Variants in MYH14 observed in about 807,000 individuals in gnomAD.
MYH14 encodes myosin-14.
In MYH14, 123 loss-of-function variants were observed where a neutral mutation model predicts 255.5. The observed-to-expected ratio is 0.48, with a 90% CI of 0.42 to 0.56. The LOEUF (loss-of-function observed/expected upper bound fraction) is 0.56, where lower values mean the gene tolerates loss of function less well. Ranked by LOEUF, MYH14 falls within the 20% of genes least tolerant of loss-of-function variation. The pLI is 0.00. For missense variants in MYH14, 2,423 were observed against 2,802.3 expected, an observed-to-expected ratio of 0.86 and a Z score of 3.06; for synonymous variants, 1,095 against 1,161.2, an observed-to-expected ratio of 0.94 and a Z score of 1.16.
chr19:50,255,518 T>C (rs987502303), intron 17 of MYH14, among the ~76,000 whole-genome samples, 200 bp downstream of exon 17: 3 of 152,300 alleles, frequency 2.0e-5, no homozygotes, highest in South Asian at 2.1e-4. Context: ...CTAAACTGCA[T>C]GTAAAAGTAC....
rs2036671476 is a variant in MYH14 at position 50,306,919 on chromosome 19, A to G, written c.5679-130A>G. ...TGTTTGGCCTCAGTAAACTGTGGGA[A>G]CCACTTAGGGGTTAGGAAAGAGGGA... On this transcript the variant is annotated intron_variant, in intron 40 of 42. Coordinates refer to ENST00000642316, the MANE Select transcript of MYH14 (RefSeq NM_001145809.2). The G allele has an allele frequency of 1.1e-5, 8 of 699,594 alleles. No homozygotes were observed. The East Asian group carries it at 2.3e-4, about 20-fold the overall frequency. The allele number at this position is 699,594 out of a possible 1,614,324, so 43.3% of individuals were successfully genotyped here. A position where few individuals can be genotyped will look rare whatever the true frequency, so the allele number is the denominator to read the frequency against.
chr19:50,290,273 C>G (rs2123448385), intron 35 of MYH14, among the ~76,000 whole-genome samples: 1 of 152,062 alleles, frequency 6.6e-6, no homozygotes, highest in East Asian at 1.9e-4. Flanking sequence ...CCACATCCTT[C>G]CCCAATCCAG....
At chr19:50,309,378 C>G (rs1342863368) in intron 42 of MYH14, 2 of 628,224 alleles carry the variant, frequency 3.2e-6, no homozygotes, top group Admixed American at 5.3e-5. Flanking sequence ...TCCCTGTCAT[C>G]TCTGTGCCCT....
chr19:50,307,625 A>G (rs577415040), intron 41 of MYH14, among the ~76,000 whole-genome samples: 9 of 152,334 alleles, frequency 5.9e-5, no homozygotes, highest in Middle Eastern at 3.4e-3. Flanking sequence ...TCAGTATTCA[A>G]ACCTCAGCAC....
intron 10 of MYH14, among the ~76,000 whole-genome samples, chr19:50,235,885 T>C (rs563097073): frequency 1.3e-5 from 2 of 152,278 alleles, no homozygotes; most frequent in South Asian, 2.1e-4. Context: ...CTGGTATATT[T>C]TGGCCATAGT....
In MYH14 at chr19:50,210,442, C is replaced by G. The variant is rs1209557989; in HGVS notation, c.77C>G (p.Pro26Arg). 1 of 1,553,394 alleles carries G rather than the reference C, an allele frequency of 6.4e-7. No homozygotes were observed. Reference sequence around the variant, plus strand: ...GGCCCAGTGCCCGAGGCGGCCCAGCCGTTCCTGTTCACGCCCCGCGGGCCC... The same window carrying G: ...GGCCCAGTGCCCGAGGCGGCCCAGCGGTTCCTGTTCACGCCCCGCGGGCCC... ...RPGPVPEAAQ[P>R]FLFTPRGPSA... is the part of the protein sequence containing the mutation. Residue 26 changes from proline (P) to arginine (R), a missense_variant, in exon 2 of 43, where the codon CCG becomes CGG. By Grantham distance (103) the Pro-to-Arg change is moderately radical (BLOSUM62 -2). Coordinates refer to ENST00000642316, the MANE Select transcript of MYH14 (RefSeq NM_001145809.2).
intron 34 of MYH14, among the ~76,000 whole-genome samples, chr19:50,287,726 T>G (rs765628051): frequency 4.6e-5 from 7 of 152,284 alleles, no homozygotes; most frequent in Non-Finnish European, 1.0e-4. Context: ...AATTTTCCAT[T>G]AAATACACAT....
chr19:50,242,576 A>G (rs1007176690), intron 10 of MYH14, among the ~76,000 whole-genome samples: 2 of 152,136 alleles, frequency 1.3e-5, no homozygotes, highest in Non-Finnish European at 2.9e-5. Flanking sequence ...CGCACAACAC[A>G]TGGGAATTAT....
rs536344315 is a variant in MYH14 at position 50,275,899 on chromosome 19, C to T, written c.3468-92C>T. The T allele has an allele frequency of 5.4e-5, 57 of 1,046,054 alleles. No homozygotes were observed. The African/African-American group carries it at 8.1e-4, about 15-fold the overall frequency. 64.8% of individuals were successfully genotyped at this position (1,046,054 alleles called of 1,614,324 possible). A position where few individuals can be genotyped will look rare whatever the true frequency, so the allele number is the denominator to read the frequency against. On this transcript the variant is annotated intron_variant, in intron 27 of 42. Coordinates refer to ENST00000642316, the MANE Select transcript of MYH14 (RefSeq NM_001145809.2). ...GATTCTAACCTGGGACTGGCCACTCCCAAAGCCCACATCCAGCCTCTCAGT... is the reference window on the plus strand; with the variant it reads ...GATTCTAACCTGGGACTGGCCACTCTCAAAGCCCACATCCAGCCTCTCAGT...
At chr19:50,222,645 G>T (rs932729785) in intron 3 of MYH14, among the ~76,000 whole-genome samples, 2 of 152,100 alleles carry the variant, frequency 1.3e-5, no homozygotes, top group African/African-American at 4.8e-5. Flanking sequence ...TCCATGCCTG[G>T]CGCTCAGTAG....
intron 1 of MYH14, among the ~76,000 whole-genome samples, chr19:50,207,768 A>G (rs545830739): frequency 6.6e-6 from 1 of 152,330 alleles, no homozygotes; most frequent in Admixed American, 6.5e-5. Context: ...AATCAGGTCA[A>G]TTCCCACCCT....
Position 50,210,369 on chromosome 19 carries a change from G to T in MYH14, c.4G>T (p.Ala2Ser). Reference protein sequence around the residue: MAAVTMSVPGRK... With the variant: MSAVTMSVPGRK... ...TCTTTCTTTGCCCCTGCAGACCATG[G>T]CAGCCGTGACCATGTCGGTGCCCGG... Residue 2 changes from alanine to serine, a missense_variant, in exon 2 of 43, where the codon GCA (alanine) becomes TCA (serine). Physicochemically the swap from Ala to Ser is moderately conservative, Grantham distance 99. This residue lies in a region of MYH14 where 238 missense variants were observed against 245.8 expected (regional missense o/e 0.97). Coordinates refer to ENST00000642316, the MANE Select transcript of MYH14 (RefSeq NM_001145809.2). 6.3e-7 allele frequency: 1 copy of T among 1,587,298 alleles called. No homozygotes were observed.
chr19:50,288,271 T>C (rs1031001606), intron 34 of MYH14, among the ~76,000 whole-genome samples: 67 of 152,342 alleles, frequency 4.4e-4, no homozygotes, highest in African/African-American at 1.6e-3. Context: ...ACAACGTGCT[T>C]CTAGGAGTCC....
At chr19:50,273,601 G>GGTGTGTGTGTGTGTGTGTGTGT (rs56095197) in intron 27 of MYH14, among the ~76,000 whole-genome samples, 1 of 137,474 alleles carries the variant, frequency 7.3e-6, no homozygotes, top group Non-Finnish European at 1.6e-5. Context: ...GAACATGGGG[G>GGTGTGTGTGTGTGTGTGTGTGT]GTGTGTGTGT....
chr19:50,263,076 T>G (rs957108129), intron 21 of MYH14, among the ~76,000 whole-genome samples: 5 of 152,112 alleles, frequency 3.3e-5, no homozygotes, highest in Admixed American at 1.3e-4. Context: ...GGCACGCACC[T>G]GTAATCCTAG....
intron 15 of MYH14, among the ~76,000 whole-genome samples, chr19:50,251,784 G>A (rs2034410728): frequency 6.6e-6 from 1 of 152,082 alleles, no homozygotes; most frequent in Non-Finnish European, 1.5e-5. Context: ...CACCATGTTG[G>A]CCAGGCTGCT....
intron 15 of MYH14, among the ~76,000 whole-genome samples, chr19:50,251,486 C>T (rs1340957919): frequency 6.9e-6 from 1 of 145,656 alleles, no homozygotes; most frequent in Non-Finnish European, 1.5e-5. Context: ...TATATATACA[C>T]ACATATATAT....
chr19:50,208,260 C>G (rs1351632975), intron 1 of MYH14, among the ~76,000 whole-genome samples: 1 of 152,030 alleles, frequency 6.6e-6, no homozygotes, highest in Non-Finnish European at 1.5e-5. Flanking sequence ...ACTAAAAATA[C>G]AAAAATTAGC....
chr19:50,241,768 G>A (rs147133404), intron 10 of MYH14, among the ~76,000 whole-genome samples: 2,118 of 151,686 alleles, frequency 0.014, 29 homozygotes, highest in Middle Eastern at 0.041. Context: ...TCAGCCTCCC[G>A]AGTAGCTGGG....
Sources: allele counts gnomAD v4.1 joint callset (sites outside exome capture counted in the v4.1 genomes callset), GRCh38; gene constraint gnomAD v4.1.1; regional missense constraint gnomAD v4.1.1; transcripts MANE v1.5; gene names NCBI Gene and HGNC (gene_info 2026-07-23, HGNC 2026-07-21).